The following NRG2 variants were observed in gnomAD, a reference collection of about 807,000 sequenced individuals.
The protein encoded by NRG2 is pro-neuregulin-2, membrane-bound isoform.
A neutral mutation model predicts 73.9 loss-of-function variants in NRG2; 27 were observed. The observed-to-expected ratio is 0.37, with a 90% CI of 0.27 to 0.50. The LOEUF (loss-of-function observed/expected upper bound fraction) is 0.50, where lower values mean the gene tolerates loss of function less well. Ranked by LOEUF, NRG2 falls within the 20% of genes least tolerant of loss-of-function variation. The pLI is 0.96. For missense variants in NRG2, 1,126 were observed against 1,210.1 expected (o/e 0.93, Z 1.03); for synonymous variants, 532 against 541.0 (o/e 0.98, Z 0.23).
chr5:140,014,797 A>T (rs929665511), intron 1 of NRG2, among the ~76,000 whole-genome samples: 3 of 152,134 alleles, frequency 2.0e-5, no homozygotes, highest in Non-Finnish European at 4.4e-5. Context: ...AATAAGTAAA[A>T]TTATATTACT....
At chr5:139,973,156 CAAAAAAAAAAA>C (rs58053481) in intron 1 of NRG2, among the ~76,000 whole-genome samples, 1 of 89,422 alleles carries the variant, frequency 1.1e-5, no homozygotes, top group Non-Finnish European at 2.3e-5. Flanking sequence ...TAAGAATATG[CAAAAAAAAAAA>C]AAAAAAAAAG....
chr5:139,926,866 A>G (rs901665612), intron 1 of NRG2, among the ~76,000 whole-genome samples: 2 of 152,118 alleles, frequency 1.3e-5, no homozygotes, highest in African/African-American at 4.8e-5. Flanking sequence ...CTCCTTTGGG[A>G]AGTCTGATAT....
At chr5:139,867,730 G>A (rs1762548049) in intron 4 of NRG2, among the ~76,000 whole-genome samples, 1 of 150,284 alleles carries the variant, frequency 6.7e-6, no homozygotes, top group Non-Finnish European at 1.5e-5. Context: ...TCCAATGTCT[G>A]AGATCAGCCC....
At chr5:139,914,048 G>A (rs1463391851) in intron 1 of NRG2, among the ~76,000 whole-genome samples, 1 of 152,134 alleles carries the variant, frequency 6.6e-6, no homozygotes, top group Non-Finnish European at 1.5e-5. Flanking sequence ...CAGCTACATG[G>A]GAGGCTGAGA....
At chr5:139,930,313 GGA>G (rs1389310382) in intron 1 of NRG2, among the ~76,000 whole-genome samples, 1 of 152,204 alleles carries the variant, frequency 6.6e-6, no homozygotes, top group Admixed American at 6.5e-5. Context: ...GTAAACCAAA[GGA>G]CTTGGCTAAG....
chr5:139,968,700 A>C (rs1267377084), intron 1 of NRG2, among the ~76,000 whole-genome samples: 1 of 152,148 alleles, frequency 6.6e-6, no homozygotes, highest in African/African-American at 2.4e-5. Context: ...TGTGTTCTGG[A>C]CACTACTCCA....
At chr5:139,898,616 T>A (rs966654069) in intron 1 of NRG2, among the ~76,000 whole-genome samples, 1 of 152,224 alleles carries the variant, frequency 6.6e-6, no homozygotes, top group Admixed American at 6.5e-5. Context: ...CATCACCACA[T>A]GCACATTCTG....
At chr5:139,890,469 CT>C (rs1561659120) in intron 1 of NRG2, among the ~76,000 whole-genome samples, 2 of 111,920 alleles carry the variant, frequency 1.8e-5, no homozygotes, top group East Asian at 5.6e-4. Flanking sequence ...TTCTTTCTTT[CT>C]TTCTTTTTTT....
At chr5:139,925,715 A>G (rs1580746321) in intron 1 of NRG2, among the ~76,000 whole-genome samples, 1 of 152,206 alleles carries the variant, frequency 6.6e-6, no homozygotes, top group Non-Finnish European at 1.5e-5. Context: ...GGGATGTACA[A>G]CCGTGCTGGC....
chr5:140,030,578 C>T (rs147624798), intron 1 of NRG2, among the ~76,000 whole-genome samples: 1 of 152,332 alleles, frequency 6.6e-6, no homozygotes, highest in Non-Finnish European at 1.5e-5. Context: ...TTTCAGTTGA[C>T]TGAGTGTAAA....
chr5:140,010,560 C>T (rs1430985225), intron 1 of NRG2, among the ~76,000 whole-genome samples: 2 of 151,886 alleles, frequency 1.3e-5, no homozygotes, highest in Non-Finnish European at 2.9e-5. Flanking sequence ...TATCTCTGTG[C>T]TTCATCTCAA....
intron 1 of NRG2, among the ~76,000 whole-genome samples, chr5:140,000,493 T>C (rs571981502): frequency 2.0e-5 from 3 of 152,360 alleles, no homozygotes; most frequent in Non-Finnish European, 4.4e-5. Flanking sequence ...AGGGAGCCCC[T>C]GAACCAAGCC....
In NRG2 at chr5:139,880,883, C is replaced by T. The variant is rs371194090; in HGVS notation, c.964G>A (p.Val322Ile). ...EAENILGKDT[V>I]RGRLYVNSVS... ...CTGTTGACGTAAAGCCGGCCCCGGA[C>T]GGTGTCCTTCCCCAGGATGTTCTCG... The change falls in exon 3 of 10, where the codon GTC becomes ATC. Residue 322 changes from valine (V) to isoleucine (I), a missense_variant. Around this residue, in one of 3 missense-constraint regions of NRG2, gnomAD observed 539 missense variants for 703.2 expected, o/e 0.77. Transcript: ENST00000361474. 40 of 1,614,030 alleles carry T rather than the reference C, an allele frequency of 2.5e-5. No individual in the cohort carries two copies. The highest frequency in any genetic ancestry group is 1.6e-4 in the Middle Eastern group (1 of 6,080).
intron 2 of NRG2, among the ~76,000 whole-genome samples, chr5:139,881,993 G>A (rs181578203): frequency 2.1e-4 from 32 of 152,288 alleles, no homozygotes; most frequent in Non-Finnish European, 4.1e-4. Context: ...CATGAGCTCT[G>A]GATAAAGCCT....
At chr5:140,001,006 C>A (rs911351242) in intron 1 of NRG2, among the ~76,000 whole-genome samples, 6 of 152,188 alleles carry the variant, frequency 3.9e-5, no homozygotes, top group Non-Finnish European at 7.3e-5. Context: ...CTTTTCTCCA[C>A]CCTCACGCCC....
chr5:139,906,152 C>T (rs912346822), intron 1 of NRG2, among the ~76,000 whole-genome samples: 1 of 152,292 alleles, frequency 6.6e-6, no homozygotes, highest in African/African-American at 2.4e-5. Context: ...GGATTACAGG[C>T]CTGCACCACC....
At chr5:139,930,431 G>C (rs373719103) in intron 1 of NRG2, among the ~76,000 whole-genome samples, 15 of 152,292 alleles carry the variant, frequency 9.8e-5, no homozygotes, top group East Asian at 9.7e-4. Flanking sequence ...CAGGTGTAAG[G>C]TATGCTTGGA....
At chr5:139,967,609 G>A (rs1443278930) in intron 1 of NRG2, among the ~76,000 whole-genome samples, 1 of 152,214 alleles carries the variant, frequency 6.6e-6, no homozygotes, top group Non-Finnish European at 1.5e-5. Flanking sequence ...CATCAGAGAT[G>A]TAGAATGCCT....
intron 1 of NRG2, among the ~76,000 whole-genome samples, chr5:139,937,425 C>T (rs765685269): frequency 6.6e-6 from 1 of 152,072 alleles, no homozygotes; most frequent in Non-Finnish European, 1.5e-5. Flanking sequence ...GGAATCAATT[C>T]TACTCAACAT....
Sources: allele counts gnomAD v4.1 joint callset (sites outside exome capture counted in the v4.1 genomes callset), GRCh38; gene constraint gnomAD v4.1.1; regional missense constraint gnomAD v4.1.1; transcripts MANE v1.5; gene names NCBI Gene and HGNC (gene_info 2026-07-23, HGNC 2026-07-21).